Variants in SHTN1 observed in about 807,000 individuals in gnomAD.
SHTN1 encodes shootin 1, also known as shootin-1.
SHTN1 carries 42 observed loss-of-function variants against 83.1 expected under a neutral mutation model. The ratio of observed to expected loss-of-function variants is 0.51; its 90% CI spans 0.39 to 0.65. The LOEUF is 0.65. Among genes scored for constraint, SHTN1 ranks in the 30% least tolerant of loss-of-function variants. SHTN1 has a pLI of 0.00. For missense variants in SHTN1, 622 were observed against 737.8 expected, an observed-to-expected ratio of 0.84 and a Z score of 1.82; for synonymous variants, 224 against 247.7, an observed-to-expected ratio of 0.90 and a Z score of 0.90.
Position 116,927,901 on chromosome 10 carries a change from G to C in SHTN1, c.1013-10C>G. On this transcript the variant is annotated splice_polypyrimidine_tract_variant and intron_variant, in intron 10 of 16. Transcript: ENST00000355371. ...TTCTGGAGTTCATCAACTGCACAGA[G>C]AGCAAACATTCAGAAGAGAGCTGAA... 1 of 1,612,318 alleles carries C rather than the reference G, an allele frequency of 6.2e-7. No homozygotes were observed. The highest frequency in any genetic ancestry group is 8.5e-7 in the Non-Finnish European group (1 of 1,179,190).
At chr10:116,959,588 G>A (rs553543570) in intron 4 of SHTN1, among the ~76,000 whole-genome samples, 1 of 152,158 alleles carries the variant, frequency 6.6e-6, no homozygotes, top group East Asian at 1.9e-4. Context: ...TAATAATAAT[G>A]TACTTCTGAT....
chr10:117,121,192 AAAGAT>A (rs1418626520), intron 1 of SHTN1, among the ~76,000 whole-genome samples: 1 of 152,216 alleles, frequency 6.6e-6, no homozygotes, highest in Admixed American at 6.5e-5. Flanking sequence ...ATTGTTTAAA[AAAGAT>A]ATTATGAAGA....
At position 116,951,894 on chromosome 10, in the gene SHTN1, G is replaced by A. The variant is rs770945171; in HGVS notation, c.534+15C>T. 1 of 1,467,158 alleles carries A rather than the reference G, an allele frequency of 6.8e-7. No homozygotes were observed. Among genetic ancestry groups the A allele is most frequent in the East Asian group, 2.3e-5 (1 of 43,510 alleles). The allele number at this position is 1,467,158 out of a possible 1,614,324, so 90.9% of individuals were successfully genotyped here. A position where few individuals can be genotyped will look rare whatever the true frequency, so the allele number is the denominator to read the frequency against. On this transcript the variant is annotated intron_variant, in intron 6 of 16. Transcript: ENST00000355371. ...AAATGCTAAAGCCCTTGCCTTTCAGGCCTGAGATACATACTTCTTCAATTA... is the reference window on the plus strand; with the variant it reads ...AAATGCTAAAGCCCTTGCCTTTCAGACCTGAGATACATACTTCTTCAATTA...
At chr10:116,898,836 TAA>T (rs1226500811) in intron 16 of SHTN1, among the ~76,000 whole-genome samples, 2 of 152,242 alleles carry the variant, frequency 1.3e-5, no homozygotes, top group Non-Finnish European at 2.9e-5. Flanking sequence ...AATTAAGCAT[TAA>T]AAGTGTTTCT....
At chr10:116,927,961 AAAG>A in intron 10 of SHTN1, 70 bp from the exon 11 acceptor site, 1 of 1,543,252 alleles carries the variant, frequency 6.5e-7, no homozygotes, top group Non-Finnish European at 8.8e-7. Flanking sequence ...CATGTGAAAA[AAAG>A]AACATAACCT....
At chr10:117,120,078 C>CA (rs1018744141) in intron 1 of SHTN1, among the ~76,000 whole-genome samples, 4 of 150,408 alleles carry the variant, frequency 2.7e-5, no homozygotes, top group East Asian at 3.9e-4. Flanking sequence ...TTAATGGGTA[C>CA]AAAAAAAATA....
intron 1 of SHTN1, among the ~76,000 whole-genome samples, chr10:117,053,919 A>C (rs996762138): frequency 6.6e-6 from 1 of 152,272 alleles, no homozygotes; most frequent in Non-Finnish European, 1.5e-5. Flanking sequence ...TCCATAAAAG[A>C]AACATAGTAT....
chr10:116,951,839 C>A, intron 6 of SHTN1, 70 bp downstream of exon 6: 2 of 829,736 alleles, frequency 2.4e-6, no homozygotes, highest in South Asian at 1.9e-5. Flanking sequence ...ATATTAAGTT[C>A]TTAACTTAGC....
At chr10:117,104,536 C>T (rs1160319036) in intron 1 of SHTN1, among the ~76,000 whole-genome samples, 2 of 152,076 alleles carry the variant, frequency 1.3e-5, no homozygotes, top group Admixed American at 6.5e-5. Flanking sequence ...TTTGGGAGGC[C>T]GAGGCAGGCG....
At chr10:116,979,580 C>T (rs572001053) in intron 1 of SHTN1, among the ~76,000 whole-genome samples, 9 of 152,334 alleles carry the variant, frequency 5.9e-5, no homozygotes, top group African/African-American at 1.4e-4. Flanking sequence ...TCACCAAACC[C>T]GGCTGGGCTC....
intron 10 of SHTN1, among the ~76,000 whole-genome samples, chr10:116,929,610 A>C (rs552553981): frequency 1.3e-5 from 2 of 152,314 alleles, no homozygotes; most frequent in South Asian, 4.1e-4. Context: ...AATTCTGTAT[A>C]TGATGTTCAC....
chr10:116,952,616 G>A (rs1176028601), intron 5 of SHTN1, among the ~76,000 whole-genome samples: 1 of 152,144 alleles, frequency 6.6e-6, no homozygotes, highest in African/African-American at 2.4e-5. Flanking sequence ...TGAAAAGTGT[G>A]TCACTAGAAT....
chr10:116,890,310 A>G (rs1178636046), intron 16 of SHTN1, among the ~76,000 whole-genome samples: 1 of 152,236 alleles, frequency 6.6e-6, no homozygotes, highest in African/African-American at 2.4e-5. Context: ...AGTATCACTT[A>G]TAAATTAAAA....
At chr10:116,903,578 T>C (rs1847837437) in intron 15 of SHTN1, among the ~76,000 whole-genome samples, 1 of 152,114 alleles carries the variant, frequency 6.6e-6, no homozygotes, top group Non-Finnish European at 1.5e-5. Flanking sequence ...TCATGTTGCA[T>C]GGAGCTGTGG....
In SHTN1 at chr10:116,998,987, A is replaced by G. The variant is rs533179241; in HGVS notation, c.58+6035T>C. On this transcript the variant is annotated intron_variant, in intron 1 of 16. Coordinates refer to ENST00000355371, the MANE Select transcript of SHTN1 (RefSeq NM_001127211.3). ...ACACTGATGTCTCCAACATGAATCC[A>G]GTGCCAAAAGCATTTTCTTTTTAGA... Among the ~76,000 whole-genome samples, 112 of 152,326 alleles carry G rather than the reference A, an allele frequency of 7.4e-4. 2 individuals carry two copies. The South Asian group carries it at 0.022, about 30-fold the overall frequency.
At chr10:117,004,926 C>T (rs1013655198) in intron 1 of SHTN1, 96 bp downstream of exon 1, 10 of 1,145,180 alleles carry the variant, frequency 8.7e-6, no homozygotes, top group Non-Finnish European at 1.2e-5. Context: ...CGCCACGTCT[C>T]CCGCCCGGCT....
chr10:117,096,404 T>C (rs762180562), intron 1 of SHTN1, among the ~76,000 whole-genome samples: 4 of 152,152 alleles, frequency 2.6e-5, no homozygotes, highest in Non-Finnish European at 5.9e-5. Context: ...TTTTTGTGCC[T>C]CAGGATCCAG....
rs1342888785 is a variant in SHTN1, at chr10:116,886,514, C to T, written c.1726G>A (p.Ala576Thr). The change falls in exon 17 of 17, where the codon GCC becomes ACC. Residue 576 changes from alanine (A) to threonine (T), a missense_variant. Transcript: ENST00000355371. ...RKKYIDGEKQ[A>T]EPVVVLDPVS... ...GGATCTAAAACTACAACTGGTTCGG[C>T]TTGTTTTTCACCGTCAATGTATTTT... The T allele has an allele frequency of 6.2e-7, 1 of 1,614,092 alleles. No individual in the cohort carries two copies. Among genetic ancestry groups the T allele is most frequent in the East Asian group, 2.2e-5 (1 of 44,856 alleles).
intron 2 of SHTN1, among the ~76,000 whole-genome samples, chr10:117,034,079 C>T (rs1852459838): frequency 6.6e-6 from 1 of 151,746 alleles, no homozygotes; most frequent in African/African-American, 2.4e-5. Context: ...TGGTATCATA[C>T]TGAATGGGGA....
Sources: allele counts gnomAD v4.1 joint callset (sites outside exome capture counted in the v4.1 genomes callset), GRCh38; gene constraint gnomAD v4.1.1; transcripts MANE v1.5; gene names NCBI Gene and HGNC (gene_info 2026-07-23, HGNC 2026-07-21).